PIP5K1C: variants seen among roughly 807,000 people sequenced by gnomAD.
PIP5K1C encodes phosphatidylinositol 4-phosphate 5-kinase type-1 gamma.
Under a neutral mutation model 80.1 loss-of-function variants are expected in PIP5K1C, and 45 were observed. The observed-to-expected ratio is 0.56, with a 90% CI of 0.44 to 0.72. The LOEUF (loss-of-function observed/expected upper bound fraction) is 0.72, where lower values mean the gene tolerates loss of function less well. PIP5K1C is among the 30% of genes least tolerant of loss of function. The pLI, the probability that PIP5K1C is intolerant of heterozygous loss-of-function variation, is 0.00. For missense variants in PIP5K1C, 753 were observed against 954.6 expected (o/e 0.79, Z 2.78); for synonymous variants, 498 against 420.1 (o/e 1.19, Z -2.27).
chr19:3,668,155 G>T (rs1469985607), intron 1 of PIP5K1C, among the ~76,000 whole-genome samples: 1 of 152,078 alleles, frequency 6.6e-6, no homozygotes, highest in Non-Finnish European at 1.5e-5. Context: ...CCCAGGCCTG[G>T]GCTGAGCCGG....
At chr19:3,699,758 G>A (rs1410637718) in intron 1 of PIP5K1C, among the ~76,000 whole-genome samples, 2 of 152,084 alleles carry the variant, frequency 1.3e-5, no homozygotes, top group East Asian at 3.9e-4. Context: ...GGGAAGGCTC[G>A]GGGAGAGGAA....
chr19:3,651,791 A>T (rs2034460103), intron 8 of PIP5K1C, 35 bp downstream of exon 8: 1 of 1,591,954 alleles, frequency 6.3e-7, no homozygotes, highest in Admixed American at 1.7e-5. Flanking sequence ...GGGGAAGGGA[A>T]GCGGGACGGG....
chr19:3,647,758 C>A (rs1331828337), intron 9 of PIP5K1C, among the ~76,000 whole-genome samples: 1 of 152,144 alleles, frequency 6.6e-6, no homozygotes, highest in Non-Finnish European at 1.5e-5. Context: ...ACCAGCCTGG[C>A]CAACATGGTG....
At chr19:3,661,133 C>T (rs2034820448) in intron 4 of PIP5K1C, 50 bp from the exon 5 acceptor site, 1 of 1,256,158 alleles carries the variant, frequency 8.0e-7, no homozygotes, top group Non-Finnish European at 1.2e-6. Flanking sequence ...GGGCACCTCT[C>T]CCCCACCCCC....
intron 1 of PIP5K1C, among the ~76,000 whole-genome samples, chr19:3,690,306 A>C (rs1442060240): frequency 2.0e-5 from 3 of 152,000 alleles, no homozygotes; most frequent in Admixed American, 6.6e-5. Context: ...AGACCAGCCC[A>C]GGCAACATGG....
Position 3,632,325 on chromosome 19 carries a change from A to G in PIP5K1C, c.*842T>C, listed in dbSNP as rs2033493742. On this transcript the variant is annotated 3_prime_UTR_variant, in exon 18 of 18. Coordinates refer to ENST00000335312, the MANE Select transcript of PIP5K1C (RefSeq NM_012398.3). ...CTCCCGCTCTGTCCTGCCATGGAGA[A>G]AACGTCTCCGTTGCCTGGGCCCTCC... 1 of 152,278 alleles carries G rather than the reference A, an allele frequency of 6.6e-6. No homozygotes were observed. The highest frequency in any genetic ancestry group is 1.5e-5 in the Non-Finnish European group (1 of 68,104). 9.4% of individuals were successfully genotyped at this position (152,278 alleles called of 1,614,324 possible). A position where few individuals can be genotyped will look rare whatever the true frequency, so the allele number is the denominator to read the frequency against.
chr19:3,673,969 C>T (rs916861656), intron 1 of PIP5K1C: 58 of 152,376 alleles, frequency 3.8e-4, no homozygotes, highest in African/African-American at 1.2e-3. Context: ...ATGGCTGCGA[C>T]GCTTGGCAGT....
intron 13 of PIP5K1C, 113 bp from the exon 14 acceptor site, chr19:3,643,052 G>T: frequency 6.8e-7 from 1 of 1,470,864 alleles, no homozygotes; most frequent in African/African-American, 1.4e-5. Flanking sequence ...CTGCCCACCT[G>T]TACATATGCT....
intron 1 of PIP5K1C, among the ~76,000 whole-genome samples, chr19:3,677,464 T>C (rs2035395016): frequency 6.6e-6 from 1 of 151,682 alleles, no homozygotes; most frequent in African/African-American, 2.4e-5. Flanking sequence ...GTGCCTGTAA[T>C]CCCAGCTACT....
At chr19:3,652,201 G>C (rs538256216) in intron 7 of PIP5K1C, among the ~76,000 whole-genome samples, 170 bp from the exon 8 acceptor site, 3 of 152,364 alleles carry the variant, frequency 2.0e-5, no homozygotes, top group Non-Finnish European at 4.4e-5. Context: ...CTGAGGAACA[G>C]AGGGGCTGCG....
chr19:3,651,853 C>A lies in PIP5K1C; in HGVS notation c.1100G>T (p.Arg367Leu). 6.2e-7 allele frequency: 1 copy of A among 1,612,376 alleles called. No individual in the cohort carries two copies. The highest frequency in any genetic ancestry group is 8.5e-7 in the Non-Finnish European group (1 of 1,179,870). Residue 367 changes from arginine to leucine, a missense_variant, in exon 8 of 18, where the codon CGC (arginine) becomes CTC (leucine). Arg to Leu is a moderately radical substitution (Grantham distance 102, BLOSUM62 -2). Around this residue, in one of 6 missense-constraint regions of PIP5K1C, gnomAD observed 114 missense variants for 152.4 expected, o/e 0.75. Coordinates refer to ENST00000335312, the MANE Select transcript of PIP5K1C (RefSeq NM_012398.3). ...AMESIQGGAA[R>L]GEAIESDDTM... ...GTCATCCGATTCGATGGCCTCCCCG[C>A]GCGCGGCGCCACCCTGGATGGACTC...
chr19:3,651,779 G>T, intron 8 of PIP5K1C, 47 bp downstream of exon 8: 1 of 1,564,762 alleles, frequency 6.4e-7, no homozygotes, highest in Non-Finnish European at 8.8e-7. Flanking sequence ...ACTGGAGCCT[G>T]TGGGGAAGGG....
At chr19:3,680,621 A>G (rs145454085) in intron 1 of PIP5K1C, among the ~76,000 whole-genome samples, 35 of 152,372 alleles carry the variant, frequency 2.3e-4, no homozygotes, top group African/African-American at 7.5e-4. Flanking sequence ...ACAATGTCTA[A>G]TAAGAAAAGG....
At position 3,686,219 on chromosome 19, in the gene PIP5K1C, C is replaced by G. The variant is rs576106161; in HGVS notation, c.94+14078G>C. ...CCTAGCCAGGCACAGTGACTGACAC[C>G]GGTAATCCTAGCACTTTGGGAGGCC... On this transcript the variant is annotated intron_variant, in intron 1 of 17. Coordinates refer to ENST00000335312, the MANE Select transcript of PIP5K1C (RefSeq NM_012398.3). Among the ~76,000 whole-genome samples the G allele has an allele frequency of 3.2e-4, 49 of 152,168 alleles. 1 individual carries two copies. The highest frequency in any genetic ancestry group is 1.2e-3 in the African/African-American group (48 of 41,528).
At chr19:3,635,259 G>A (rs1342719189) in intron 16 of PIP5K1C, among the ~76,000 whole-genome samples, 7 of 152,218 alleles carry the variant, frequency 4.6e-5, no homozygotes, top group Non-Finnish European at 2.9e-5. Context: ...TAGAAACGGG[G>A]ATACAGGCCA....
intron 15 of PIP5K1C, among the ~76,000 whole-genome samples, chr19:3,639,979 A>G (rs1302437773): frequency 6.6e-6 from 1 of 152,234 alleles, no homozygotes; most frequent in East Asian, 1.9e-4. Context: ...TCCTTTCAGC[A>G]AAACCTGAAA....
chr19:3,648,502 AGGCGCCCACCTGTGGGGCTGCAGACCCG>A lies in PIP5K1C; in HGVS notation c.1211+95_1211+122del, dbSNP rs142616569. The A allele has an allele frequency of 0.34, 288,125 of 847,122 alleles. 58,408 individuals are homozygous for A. The highest frequency in any genetic ancestry group is 0.39 in the Non-Finnish European group (194,158 of 501,654). 52.5% of individuals were successfully genotyped at this position (847,122 alleles called of 1,614,324 possible). A position where few individuals can be genotyped will look rare whatever the true frequency, so the allele number is the denominator to read the frequency against. ...CATCCACCTGTGGGACTGCAGACCC[AGGCGCCCACCTGTGGGGCTGCAGACCCG>A]GGCGCCCACCTGTGGGGCTGCAGAC... is the stretch of plus-strand genomic sequence containing the variant. On this transcript the variant is annotated intron_variant, in intron 9 of 17. Coordinates refer to ENST00000335312, the MANE Select transcript of PIP5K1C (RefSeq NM_012398.3). This position sits in a 1 kb window ranked among gnomAD's most constrained non-coding sequence, Gnocchi z 4.3.
Position 3,637,157 on chromosome 19 carries a change from C to G in PIP5K1C, c.1920+1727G>C, listed in dbSNP as rs945983913. On this transcript the variant is annotated intron_variant, in intron 16 of 17. Coordinates refer to ENST00000335312, the MANE Select transcript of PIP5K1C (RefSeq NM_012398.3). This position sits in a 1 kb window ranked among gnomAD's most constrained non-coding sequence, Gnocchi z 7.0. The stretch of plus-strand genomic sequence containing the variant: ...GTGCAGCCAGCGGGGCCACGGGCAG[C>G]CAGGTCTGCACGAGTGAGAAGCGTC... 9 of 1,409,282 alleles carry G rather than the reference C, an allele frequency of 6.4e-6. No homozygotes were observed. The East Asian group carries it at 2.4e-4, about 37-fold the overall frequency. The allele number at this position is 1,409,282 out of a possible 1,614,324, so 87.3% of individuals were successfully genotyped here. A position where few individuals can be genotyped will look rare whatever the true frequency, so the allele number is the denominator to read the frequency against.
At position 3,631,416 on chromosome 19, in the gene PIP5K1C, A is replaced by C. The variant is rs2033464647; in HGVS notation, c.*1751T>G. 6.6e-6 allele frequency: 1 copy of C among 152,590 alleles called. No individual in the cohort carries two copies. Among genetic ancestry groups the C allele is most frequent in the Admixed American group, 6.5e-5 (1 of 15,284 alleles). The allele number at this position is 152,590 out of a possible 1,614,324, so 9.5% of individuals were successfully genotyped here. ...CCTGCTGGGTGTCCTTCGGAGGGAC[A>C]GGGCGGGGGCTGATGGGTGGATGCC... On this transcript the variant is annotated 3_prime_UTR_variant, in exon 18 of 18. Coordinates refer to ENST00000335312, the MANE Select transcript of PIP5K1C (RefSeq NM_012398.3).
Sources: allele counts gnomAD v4.1 joint callset (sites outside exome capture counted in the v4.1 genomes callset), GRCh38; gene constraint gnomAD v4.1.1; regional missense constraint gnomAD v4.1.1; non-coding constraint Gnocchi (gnomAD v3.1); transcripts MANE v1.5; gene names NCBI Gene and HGNC (gene_info 2026-07-23, HGNC 2026-07-21).